The following SBNO2 variants were observed in gnomAD, a reference collection of about 807,000 sequenced individuals.
The protein encoded by SBNO2 is protein strawberry notch homolog 2.
In SBNO2, 89 loss-of-function variants were observed where a neutral mutation model predicts 146.3. That is an observed-to-expected ratio of 0.61 (90% CI 0.51 to 0.73). The LOEUF is 0.73. SBNO2 is among the 30% of genes least tolerant of loss of function. The pLI is 0.00. For synonymous variants in SBNO2, 1,147 were observed against 892.6 expected (o/e 1.29, Z -5.08); for missense variants, 2,092 against 2,003.7 (o/e 1.04, Z -0.84).
Position 1,123,603 on chromosome 19 carries a change from C to T in SBNO2, c.559G>A (p.Glu187Lys). The T allele has an allele frequency of 4.3e-6, 7 of 1,613,382 alleles. No individual in the cohort carries two copies. Among genetic ancestry groups the T allele is most frequent in the South Asian group, 1.1e-5 (1 of 91,052 alleles). ...TCCTCCGCCTCCTCCTCCTCAGCCT[C>T]GTCCTCCTCCTCTGGCTGGCTCTGC... Reference protein sequence around the residue: ...SVQSQPEEEDEAEEEEAEELG... With the variant: ...SVQSQPEEEDKAEEEEAEELG... The change falls in exon 7 of 32, where the codon GAG (glutamate) becomes AAG (lysine). Residue 187 changes from glutamate to lysine, a missense_variant. By Grantham distance (56) the Glu-to-Lys change is moderately conservative (BLOSUM62 1). Transcript: ENST00000361757.
chr19:1,166,676 C>A (rs2080429302), intron 1 of SBNO2, among the ~76,000 whole-genome samples: 1 of 151,934 alleles, frequency 6.6e-6, no homozygotes. Context: ...CGCTAAAAAC[C>A]TTTTAACATG....
rs899565893 is a variant in SBNO2 at position 1,157,135 on chromosome 19, C to T, written c.-126-2733G>A. On this transcript the variant is annotated intron_variant, in intron 1 of 31. Coordinates refer to ENST00000361757, the MANE Select transcript of SBNO2 (RefSeq NM_014963.3). The surrounding 1 kb of genome is among the most constrained non-coding windows in gnomAD (Gnocchi z 6.8). ...TCGGTCCTGTCCGAGGGCCCACGCC[C>T]CCAAGGGCTGGCTCCCACCCCATGG... Among the ~76,000 whole-genome samples the T allele has an allele frequency of 7.2e-5, 11 of 152,078 alleles. No homozygotes were observed. The highest frequency in any genetic ancestry group is 2.4e-4 in the African/African-American group (10 of 41,392).
At chr19:1,123,860 C>T in intron 6 of SBNO2, 82 bp downstream of exon 6, 1 of 1,416,746 alleles carries the variant, frequency 7.1e-7, no homozygotes, top group Non-Finnish European at 9.6e-7. Flanking sequence ...GCGCTCCCCA[C>T]AATGGAGATG....
chr19:1,156,619 T>C (rs1246897157), intron 1 of SBNO2, among the ~76,000 whole-genome samples: 1 of 151,748 alleles, frequency 6.6e-6, no homozygotes, highest in African/African-American at 2.4e-5. Context: ...GATAGGCGAG[T>C]GGACCAGCAT....
chr19:1,151,958 G>A (rs931667009), intron 2 of SBNO2, among the ~76,000 whole-genome samples: 3 of 152,272 alleles, frequency 2.0e-5, no homozygotes, highest in South Asian at 2.1e-4. Context: ...CCATTGTGCT[G>A]GCCGGTGTAT....
At chr19:1,131,062 G>A (rs562132638) in intron 4 of SBNO2, among the ~76,000 whole-genome samples, 1 of 152,136 alleles carries the variant, frequency 6.6e-6, no homozygotes, top group African/African-American at 2.4e-5. Context: ...CAGTGGCTCC[G>A]TCCTCTGCCC....
At chr19:1,142,478 G>T (rs1011274089) in intron 4 of SBNO2, among the ~76,000 whole-genome samples, 1 of 152,210 alleles carries the variant, frequency 6.6e-6, no homozygotes, top group African/African-American at 2.4e-5. Context: ...TCAGGAGTTC[G>T]AGACCAGCCT....
chr19:1,119,107 G>C lies in SBNO2; in HGVS notation c.1431C>G (p.Ile477Met), dbSNP rs11878817. 2 of 1,604,560 alleles carry C rather than the reference G, an allele frequency of 1.2e-6. No individual in the cohort carries two copies. Among genetic ancestry groups the C allele is most frequent in the African/African-American group, 2.7e-5 (2 of 74,782 alleles). ...AMDMKVSGMY[I>M]ARQLSFSGVT... ...CGCCGGAGAAGCTGAGCTGGCGTGCGATGTACATGCCGCTGACCTTCATGT... is the reference window on the plus strand; with the variant it reads ...CGCCGGAGAAGCTGAGCTGGCGTGCCATGTACATGCCGCTGACCTTCATGT... The change falls in exon 14 of 32, where the codon ATC becomes ATG. Residue 477 changes from isoleucine to methionine, a missense_variant. Coordinates refer to ENST00000361757, the MANE Select transcript of SBNO2 (RefSeq NM_014963.3).
At chr19:1,171,739 T>TG (rs2080480099) in intron 1 of SBNO2, among the ~76,000 whole-genome samples, 1 of 151,028 alleles carries the variant, frequency 6.6e-6, no homozygotes, top group African/African-American at 2.5e-5. Context: ...CCCCTGGGGT[T>TG]GGGGGAGGCC....
intron 4 of SBNO2, among the ~76,000 whole-genome samples, chr19:1,129,490 G>A (rs908770785): frequency 6.6e-6 from 1 of 152,214 alleles, no homozygotes; most frequent in African/African-American, 2.4e-5. Flanking sequence ...CCCAGAGCCA[G>A]GTAGGGTGCA....
chr19:1,164,792 G>A (rs2080392274), intron 1 of SBNO2, among the ~76,000 whole-genome samples: 1 of 10,594 alleles, frequency 9.4e-5, no homozygotes, highest in Non-Finnish European at 1.9e-4. Flanking sequence ...GGGCAGTGGA[G>A]ACAGGAGGAG....
Position 1,125,726 on chromosome 19 carries a change from G to A in SBNO2, c.442-1704C>T, listed in dbSNP as rs536324468. Reference sequence around the variant, plus strand: ...GAATTGGAAAGGGGAGAATCCCGCCGGGTGCGTGGCTCAGGCCTGTGGGAG... The same window carrying A: ...GAATTGGAAAGGGGAGAATCCCGCCAGGTGCGTGGCTCAGGCCTGTGGGAG... On this transcript the variant is annotated intron_variant, in intron 5 of 31. Coordinates refer to ENST00000361757, the MANE Select transcript of SBNO2 (RefSeq NM_014963.3). Among the ~76,000 whole-genome samples, 39 of 151,942 alleles carry A rather than the reference G, an allele frequency of 2.6e-4. 1 individual carries two copies. The highest frequency in any genetic ancestry group is 5.2e-4 in the Non-Finnish European group (35 of 67,960).
In SBNO2 at chr19:1,113,604, G is replaced by A; in HGVS notation, c.2178C>T (p.Gly726=). The change falls in exon 19 of 32, where the codon GGC becomes GGT. Residue 726 remains glycine (G), a synonymous_variant. Coordinates refer to ENST00000361757, the MANE Select transcript of SBNO2 (RefSeq NM_014963.3). The part of the protein sequence containing the change: ...QDLLDKVRRL[G]RELPVNTLDE... ...CCAGGGTGTTGACTGGCAGTTCCCG[G>A]CCCAGCCGCCGCACTTTGTCCAGCA... is the stretch of plus-strand genomic sequence containing the variant. 6.3e-7 allele frequency: 1 copy of A among 1,596,960 alleles called. No homozygotes were observed. Among genetic ancestry groups the A allele is most frequent in the Non-Finnish European group, 8.5e-7 (1 of 1,174,058 alleles).
At position 1,144,898 on chromosome 19, in the gene SBNO2, AGAGGCGGAGATG is replaced by A. The variant is rs142098703; in HGVS notation, c.279+2399_279+2410del. Among the ~76,000 whole-genome samples, 16,904 of 149,080 alleles carry A rather than the reference AGAGGCGGAGATG, an allele frequency of 0.11. 1,674 individuals carry two copies. Among genetic ancestry groups the A allele is most frequent in the African/African-American group, 0.27 (10,682 of 39,624 alleles). On this transcript the variant is annotated intron_variant, in intron 4 of 31. Coordinates refer to ENST00000361757, the MANE Select transcript of SBNO2 (RefSeq NM_014963.3). The surrounding 1 kb of genome is among the most constrained non-coding windows in gnomAD (Gnocchi z 4.1). ...GAGACAGAGAGGGAGACAGAGAGACAGAGGCGGAGATGGAGACAGAGACAGAGAGACAGAGAC... is the reference window on the plus strand; with the variant it reads ...GAGACAGAGAGGGAGACAGAGAGACAGAGACAGAGACAGAGAGACAGAGAC...
At chr19:1,132,058 G>A (rs936446286) in intron 4 of SBNO2, 4 of 1,495,788 alleles carry the variant, frequency 2.7e-6, no homozygotes, top group Non-Finnish European at 3.6e-6. Context: ...CTGCCCCCGA[G>A]GGCCTCGCCC....
intron 4 of SBNO2, among the ~76,000 whole-genome samples, chr19:1,138,488 A>T (rs957570399): frequency 1.3e-5 from 2 of 152,002 alleles, no homozygotes; most frequent in Non-Finnish European, 2.9e-5. Context: ...AGCGATTCAC[A>T]GCTGCTGTCA....
chr19:1,132,751 C>G (rs2080045586), intron 4 of SBNO2, among the ~76,000 whole-genome samples: 1 of 152,158 alleles, frequency 6.6e-6, no homozygotes, highest in Admixed American at 6.5e-5. Flanking sequence ...CCTGCTCTTT[C>G]CCTGCTGTCC....
intron 4 of SBNO2, among the ~76,000 whole-genome samples, chr19:1,131,455 G>A (rs573250002): frequency 7.4e-4 from 112 of 152,120 alleles, no homozygotes; most frequent in African/African-American, 2.6e-3. Context: ...GGCTCTGCCC[G>A]CTTCAAAAGC....
At chr19:1,159,788 G>A (rs1449501648) in intron 1 of SBNO2, among the ~76,000 whole-genome samples, 1 of 100,640 alleles carries the variant, frequency 9.9e-6, no homozygotes, top group East Asian at 4.0e-4. Flanking sequence ...GTGGGGGACA[G>A]TGGGGGAACA....
Sources: allele counts gnomAD v4.1 joint callset (sites outside exome capture counted in the v4.1 genomes callset), GRCh38; gene constraint gnomAD v4.1.1; non-coding constraint Gnocchi (gnomAD v3.1); transcripts MANE v1.5; gene names NCBI Gene and HGNC (gene_info 2026-07-23, HGNC 2026-07-21).